The following NPNT variants were observed in gnomAD, a reference collection of about 807,000 sequenced individuals.
NPNT encodes the protein preosteoblast EGF-like repeat protein with MAM domain.
Under a neutral mutation model 68.6 loss-of-function variants are expected in NPNT, and 45 were observed. The observed-to-expected ratio is 0.66, with a 90% CI of 0.52 to 0.84. NPNT has a LOEUF of 0.84. NPNT is among the 40% of genes least tolerant of loss of function. The pLI is 0.00. For missense variants in NPNT, 672 were observed against 714.8 expected, an observed-to-expected ratio of 0.94 and a Z score of 0.68; for synonymous variants, 233 against 253.3, an observed-to-expected ratio of 0.92 and a Z score of 0.76.
At position 105,962,871 on chromosome 4, in the gene NPNT, A is replaced by ATG. The variant is rs33940803; in HGVS notation, c.1345+3757_1345+3758dup. ...AGTGTATGTGTGTGTGTGTGTGTGT[A>ATG]TGTGTGTGTGTGTATGTATGTGTAT... is the stretch of plus-strand genomic sequence containing the variant. On this transcript the variant is annotated intron_variant, in intron 10 of 11. Coordinates refer to ENST00000379987, the MANE Select transcript of NPNT (RefSeq NM_001033047.3). Among the ~76,000 whole-genome samples the ATG allele has an allele frequency of 4.1e-5, 6 of 145,240 alleles. No individual in the cohort carries two copies. The South Asian group carries it at 6.8e-4, about 16-fold the overall frequency.
Position 105,970,993 on chromosome 4 carries a change from A to G in NPNT, c.*2003A>G. On this transcript the variant is annotated 3_prime_UTR_variant, in exon 12 of 12. Coordinates refer to ENST00000379987, the MANE Select transcript of NPNT (RefSeq NM_001033047.3). ...TATTCCAAATGAGAGTATGATGGAC[A>G]GATATTTTAGTATCTCAGTAATGTC... is the stretch of plus-strand genomic sequence containing the variant. 3.0e-6 allele frequency: 1 copy of G among 328,922 alleles called. No individual in the cohort carries two copies. The highest frequency in any genetic ancestry group is 2.2e-5 in the African/African-American group (1 of 46,452). The allele number at this position is 328,922 out of a possible 1,614,324, so 20.4% of individuals were successfully genotyped here.
chr4:105,918,507 T>C (rs1423416285), intron 2 of NPNT, among the ~76,000 whole-genome samples: 1 of 152,228 alleles, frequency 6.6e-6, no homozygotes, highest in Non-Finnish European at 1.5e-5. Context: ...ATATCTTTTA[T>C]GTTTCAGATA....
intron 2 of NPNT, among the ~76,000 whole-genome samples, chr4:105,905,309 A>G (rs1374516529): frequency 6.6e-6 from 1 of 152,222 alleles, no homozygotes; most frequent in Non-Finnish European, 1.5e-5. Context: ...TAGAAAAGTA[A>G]GAAATGCATG....
At position 105,971,166 on chromosome 4, in the gene NPNT, T is replaced by G. The variant is rs1187755161; in HGVS notation, c.*2176T>G. ...AGATTTTCATCGGGTGCATTCTCTC[T>G]GCTTCGTGTGTGACAAGTTATCTTG... On this transcript the variant is annotated 3_prime_UTR_variant, in exon 12 of 12. Transcript: ENST00000379987. 6.6e-6 allele frequency: 3 copies of G among 455,972 alleles called. No homozygotes were observed. The Admixed American group carries it at 7.1e-5, about 11-fold the overall frequency. 28.2% of individuals were successfully genotyped at this position (455,972 alleles called of 1,614,324 possible).
intron 2 of NPNT, among the ~76,000 whole-genome samples, chr4:105,914,642 T>C (rs1463294815): frequency 4.6e-5 from 7 of 150,930 alleles, no homozygotes; most frequent in Non-Finnish European, 1.0e-4. Context: ...AAGAGGCATG[T>C]TTTAGTATAG....
Position 105,969,046 on chromosome 4 carries a change from T to G in NPNT, c.*56T>G. On this transcript the variant is annotated 3_prime_UTR_variant, in exon 12 of 12. Coordinates refer to ENST00000379987, the MANE Select transcript of NPNT (RefSeq NM_001033047.3). ...TTGCTCTATCCTCTTTTTCCAATTC[T>G]CATCTTCTCTCCTCTTCTCCCTTTT... 1 of 1,102,246 alleles carries G rather than the reference T, an allele frequency of 9.1e-7. No homozygotes were observed. The highest frequency in any genetic ancestry group is 1.4e-6 in the Non-Finnish European group (1 of 731,060). The allele number at this position is 1,102,246 out of a possible 1,614,324, so 68.3% of individuals were successfully genotyped here.
At chr4:105,924,460 G>A (rs538918416) in intron 2 of NPNT, among the ~76,000 whole-genome samples, 62 of 152,142 alleles carry the variant, frequency 4.1e-4, no homozygotes, top group Admixed American at 7.2e-4. Context: ...GTATCCTACC[G>A]CATTTAATAG....
intron 8 of NPNT, 32 bp downstream of exon 8, chr4:105,942,734 T>C (rs1325963046): frequency 1.9e-6 from 3 of 1,555,868 alleles, no homozygotes; most frequent in African/African-American, 2.7e-5. Flanking sequence ...ACATTTTCAA[T>C]AGGCTCTTTA....
At chr4:105,961,155 T>C (rs1430924388) in intron 10 of NPNT, among the ~76,000 whole-genome samples, 1 of 152,136 alleles carries the variant, frequency 6.6e-6, no homozygotes, top group East Asian at 1.9e-4. Flanking sequence ...TGGAATTAAG[T>C]CCAAACCACT....
At chr4:105,905,108 A>T (rs1352783278) in intron 2 of NPNT, among the ~76,000 whole-genome samples, 7 of 151,832 alleles carry the variant, frequency 4.6e-5, no homozygotes, top group Non-Finnish European at 7.4e-5. Flanking sequence ...CCTATTAAGG[A>T]GGAATATGTA....
chr4:105,956,369 CAG>C (rs1731225363), intron 8 of NPNT, among the ~76,000 whole-genome samples: 1 of 152,002 alleles, frequency 6.6e-6, no homozygotes, highest in Admixed American at 6.6e-5. Flanking sequence ...TGTGCTTCCT[CAG>C]AGAGGACCTC....
chr4:105,917,052 C>T (rs771432755), intron 2 of NPNT, among the ~76,000 whole-genome samples: 8 of 152,170 alleles, frequency 5.3e-5, no homozygotes, highest in Non-Finnish European at 8.8e-5. Flanking sequence ...AATTTATGTG[C>T]TTGAAATCAC....
intron 10 of NPNT, among the ~76,000 whole-genome samples, chr4:105,963,699 A>G (rs1319142535): frequency 6.6e-6 from 1 of 151,336 alleles, no homozygotes; most frequent in Non-Finnish European, 1.5e-5. Context: ...ATTAAGGGCA[A>G]CTGACTCAGC....
At chr4:105,899,288 C>T (rs778459973) in intron 2 of NPNT, among the ~76,000 whole-genome samples, 2 of 152,078 alleles carry the variant, frequency 1.3e-5, no homozygotes, top group Non-Finnish European at 2.9e-5. Flanking sequence ...ATTCTAATAA[C>T]CAAAATGTGA....
At chr4:105,931,591 G>A (rs1049553100) in intron 3 of NPNT, among the ~76,000 whole-genome samples, 10 of 151,022 alleles carry the variant, frequency 6.6e-5, no homozygotes, top group Admixed American at 5.3e-4. Flanking sequence ...TTGGAAGGCC[G>A]AGGCGGGCGG....
chr4:105,959,120 C>A lies in NPNT; in HGVS notation c.1339C>A (p.Pro447Thr). ...CTTGCACTGGGAACCAATCAGGGACCCAGCAGGTAAAACCATTTCATTTAA... is the reference window on the plus strand; with the variant it reads ...CTTGCACTGGGAACCAATCAGGGACACAGCAGGTAAAACCATTTCATTTAA... ...NDLHWEPIRDPAGGQYLTVSA... is the reference protein window; with the variant it reads ...NDLHWEPIRDTAGGQYLTVSA... Residue 447 changes from proline to threonine, a missense_variant, in exon 10 of 12, where the codon CCA becomes ACA. By Grantham distance (38) the Pro-to-Thr change is conservative (BLOSUM62 -1). Coordinates refer to ENST00000379987, the MANE Select transcript of NPNT (RefSeq NM_001033047.3). The A allele has an allele frequency of 6.2e-7, 1 of 1,607,394 alleles. No individual in the cohort carries two copies.
At chr4:105,899,963 T>G (rs1026651378) in intron 2 of NPNT, among the ~76,000 whole-genome samples, 2 of 152,204 alleles carry the variant, frequency 1.3e-5, no homozygotes, top group African/African-American at 4.8e-5. Context: ...GAATGAAATA[T>G]CTCTGAAAAC....
intron 8 of NPNT, among the ~76,000 whole-genome samples, 171 bp downstream of exon 8, chr4:105,942,873 G>T (rs1452674345): frequency 6.6e-6 from 1 of 152,140 alleles, no homozygotes; most frequent in Non-Finnish European, 1.5e-5. Flanking sequence ...AGTCTAATTG[G>T]GCAAGTAAGA....
At chr4:105,900,834 G>GTTTTTTTTT (rs765343668) in intron 2 of NPNT, among the ~76,000 whole-genome samples, 35 of 96,550 alleles carry the variant, frequency 3.6e-4, no homozygotes, top group African/African-American at 7.2e-4. Context: ...ACCCTTGGTT[G>GTTTTTTTTT]TTTTTTTTTT....
Sources: gnomAD v4.1 joint callset for allele counts (sites outside exome capture counted in the v4.1 genomes callset) on GRCh38, gnomAD v4.1.1 for gene constraint, MANE v1.5 for transcripts, NCBI Gene and HGNC (gene_info 2026-07-23, HGNC 2026-07-21) for gene names.